Variants in C6orf118 observed in about 807,000 individuals in gnomAD.
The protein encoded by C6orf118 is chromosome 6 open reading frame 118.
A neutral mutation model predicts 50.2 loss-of-function variants in C6orf118; 50 were observed. The ratio of observed to expected loss-of-function variants is 1.00; its 90% CI spans 0.79 to 1.26. The LOEUF (loss-of-function observed/expected upper bound fraction) is 1.26. Among genes scored for constraint, C6orf118 ranks in the 50% most tolerant of loss-of-function variants. The probability of loss-of-function intolerance (pLI) is 0.00; values close to 1 mark genes in which losing one functional copy is unlikely to be tolerated. For missense variants in C6orf118, 641 were observed against 578.7 expected, an observed-to-expected ratio of 1.11 and a Z score of -1.10; for synonymous variants, 239 against 230.9, an observed-to-expected ratio of 1.03 and a Z score of -0.32.
chr6:165,280,757 GA>G (rs990195717), intron 8 of C6orf118, among the ~76,000 whole-genome samples: 3 of 152,122 alleles, frequency 2.0e-5, no homozygotes, highest in Non-Finnish European at 4.4e-5. Context: ...ATGGAATGCG[GA>G]CCCAGTTAAT....
Position 165,280,024 on chromosome 6 carries a change from T to A in C6orf118, c.*33A>T, listed in dbSNP as rs2128155466. 6.3e-7 allele frequency: 1 copy of A among 1,588,584 alleles called. No individual in the cohort carries two copies. The highest frequency in any genetic ancestry group is 8.5e-7 in the Non-Finnish European group (1 of 1,172,332). ...ATGCTACATACATGGAAGTTAAGAA[T>A]TTCCACTGGCCATTTGTTCAGCCAC... On this transcript the variant is annotated 3_prime_UTR_variant, in exon 9 of 9. Coordinates refer to ENST00000230301, the MANE Select transcript of C6orf118 (RefSeq NM_144980.4).
intron 1 of C6orf118, among the ~76,000 whole-genome samples, chr6:165,306,125 C>G (rs1409433056): frequency 1.9e-5 from 1 of 52,608 alleles, no homozygotes; most frequent in East Asian, 3.8e-4. Context: ...ACATATACAC[C>G]ATGGAATACT....
In C6orf118 at chr6:165,301,870, G is replaced by A. The variant is rs35713301; in HGVS notation, c.452C>T (p.Ala151Val). ...TSEEDFLPVE[A>V]VREGKEEKKG... ...CTTTTCTTCCTTCCCCTCTCTGACA[G>A]CCTCCACTGGAAGGAAATCCTCCTC... The change falls in exon 2 of 9, where the codon GCT (alanine) becomes GTT (valine). Residue 151 changes from alanine (A) to valine (V), a missense_variant. Ala to Val is a moderately conservative substitution (Grantham distance 64, BLOSUM62 0). Transcript: ENST00000230301. 1.4e-3 allele frequency: 2,299 copies of A among 1,613,762 alleles called. 35 individuals are homozygous for A. In the African/African-American group the frequency reaches 0.028, roughly 19 times the overall value.
intron 7 of C6orf118, among the ~76,000 whole-genome samples, chr6:165,286,128 C>T (rs1027374922): frequency 6.6e-5 from 10 of 151,956 alleles, no homozygotes; most frequent in Non-Finnish European, 1.5e-4. Context: ...ATACAAACAA[C>T]CATCAAAGAA....
At chr6:165,292,352 G>A (rs1780133563) in intron 6 of C6orf118, among the ~76,000 whole-genome samples, 2 of 152,148 alleles carry the variant, frequency 1.3e-5, no homozygotes, top group South Asian at 2.1e-4. Flanking sequence ...GGGGCACCAG[G>A]TTTGTTCCAT....
intron 8 of C6orf118, 162 bp downstream of exon 8, chr6:165,281,478 T>C (rs1779729259): frequency 7.2e-7 from 1 of 1,380,530 alleles, no homozygotes; most frequent in African/African-American, 1.5e-5. Flanking sequence ...TGTCAATACT[T>C]ACTCCTGCCT....
At chr6:165,286,597 A>C (rs1169129291) in intron 7 of C6orf118, among the ~76,000 whole-genome samples, 1 of 152,136 alleles carries the variant, frequency 6.6e-6, no homozygotes, top group Admixed American at 6.6e-5. Context: ...AGTTGCCTTC[A>C]CCCCCAAGAT....
intron 4 of C6orf118, among the ~76,000 whole-genome samples, chr6:165,298,323 G>A (rs1019324226): frequency 4.6e-5 from 7 of 152,218 alleles, no homozygotes; most frequent in Non-Finnish European, 1.5e-5. Context: ...TATGTTAAAA[G>A]TTTATTTTTC....
chr6:165,300,682 T>C (rs75158226), intron 2 of C6orf118, among the ~76,000 whole-genome samples, 196 bp from the exon 3 acceptor site: 7,281 of 151,948 alleles, frequency 0.048, 592 homozygotes, highest in African/African-American at 0.17. Context: ...ACCCAAGATG[T>C]GGGATTTTTT....
chr6:165,301,562 T>A lies in C6orf118; in HGVS notation c.753+7A>T, dbSNP rs762161147. 8 of 1,607,034 alleles carry A rather than the reference T, an allele frequency of 5.0e-6. No individual in the cohort carries two copies. In the African/African-American group the frequency reaches 5.4e-5, roughly 11 times the overall value. On this transcript the variant is annotated splice_region_variant and intron_variant, in intron 2 of 8. Coordinates refer to ENST00000230301, the MANE Select transcript of C6orf118 (RefSeq NM_144980.4). ...CCCTGAGACCACCGCAGGGCTGCCCTCCTCACCTGCTGCAGCTTTCTCTCG... is the reference window on the plus strand; with the variant it reads ...CCCTGAGACCACCGCAGGGCTGCCCACCTCACCTGCTGCAGCTTTCTCTCG...
chr6:165,299,780 G>A (rs1780448974), intron 3 of C6orf118, among the ~76,000 whole-genome samples: 2 of 152,252 alleles, frequency 1.3e-5, no homozygotes, highest in South Asian at 4.1e-4. Flanking sequence ...CTGCCTCCCG[G>A]TTCAAGCGAT....
intron 8 of C6orf118, 35 bp from the exon 9 acceptor site, chr6:165,280,145 GA>G (rs59578364): frequency 4.2e-6 from 6 of 1,412,320 alleles, no homozygotes; most frequent in African/African-American, 2.9e-5. Flanking sequence ...CCATAGGTTA[GA>G]AAAAAATACA....
chr6:165,282,351 G>T (rs1439047212), intron 7 of C6orf118, among the ~76,000 whole-genome samples: 1 of 152,064 alleles, frequency 6.6e-6, no homozygotes, highest in East Asian at 1.9e-4. Flanking sequence ...TGGGCAGAGG[G>T]TATAAAGACT....
At chr6:165,296,531 G>A (rs1780317652) in intron 5 of C6orf118, among the ~76,000 whole-genome samples, 1 of 152,164 alleles carries the variant, frequency 6.6e-6, no homozygotes, top group South Asian at 2.1e-4. Context: ...GACCCAGAAA[G>A]CACTCTCCAT....
chr6:165,296,250 G>GTTTTTTTTTTTTTT (rs56394079), intron 5 of C6orf118, among the ~76,000 whole-genome samples: 26 of 103,382 alleles, frequency 2.5e-4, no homozygotes, highest in East Asian at 3.8e-4. Flanking sequence ...TTCGTTTTTT[G>GTTTTTTTTTTTTTT]TTTTTTTTTT....
Position 165,289,977 on chromosome 6 carries a change from T to C in C6orf118, c.1211A>G (p.Asp404Gly), listed in dbSNP as rs773039565. 3 of 1,611,318 alleles carry C rather than the reference T, an allele frequency of 1.9e-6. No individual in the cohort carries two copies. Among genetic ancestry groups the C allele is most frequent in the Non-Finnish European group, 2.5e-6 (3 of 1,178,440 alleles). The change falls in exon 7 of 9, where the codon GAT becomes GGT. Residue 404 changes from aspartate (D) to glycine (G), a missense_variant. Transcript: ENST00000230301. The stretch of plus-strand genomic sequence containing the variant: ...TTCTTTTTCCAGAGCTTGTATCTCA[T>C]CCCACTTACTGAGTATTTCACACCT... ...KKRCEILSKW[D>G]EIQALEKEIK...
At chr6:165,288,572 G>T (rs1459927208) in intron 7 of C6orf118, among the ~76,000 whole-genome samples, 4 of 152,024 alleles carry the variant, frequency 2.6e-5, no homozygotes, top group Admixed American at 2.6e-4. Flanking sequence ...TTTTAAATGT[G>T]GTATATATAC....
At position 165,293,919 on chromosome 6, in the gene C6orf118, C is replaced by T. The variant is rs191285806; in HGVS notation, c.1062-448G>A. 5.9e-5 allele frequency among the ~76,000 whole-genome samples: 9 copies of T among 152,230 alleles called. No homozygotes were observed. In the East Asian group the frequency reaches 9.7e-4, roughly 16 times the overall value. ...GTATTATTATTCTGTGCAACAGATA[C>T]GATTTACAAATTTCACTATGTTTAA... On this transcript the variant is annotated intron_variant, in intron 5 of 8. Coordinates refer to ENST00000230301, the MANE Select transcript of C6orf118 (RefSeq NM_144980.4).
At chr6:165,309,166 A>C (rs1452556828) in intron 1 of C6orf118, among the ~76,000 whole-genome samples, 1 of 152,254 alleles carries the variant, frequency 6.6e-6, no homozygotes, top group African/African-American at 2.4e-5. Context: ...GGAGCGCGGA[A>C]AGGCAGCATG....
Sources: allele counts gnomAD v4.1 joint callset (sites outside exome capture counted in the v4.1 genomes callset), GRCh38; gene constraint gnomAD v4.1.1; transcripts MANE v1.5; gene names NCBI Gene and HGNC (gene_info 2026-07-23, HGNC 2026-07-21).